The following MBD5 variants were observed in gnomAD, a reference collection of about 807,000 sequenced individuals.
MBD5 encodes methyl-CpG binding domain protein 5, also known as methyl-CpG-binding domain protein 5.
In MBD5, 13 loss-of-function variants were observed where a neutral mutation model predicts 117.3. The observed-to-expected ratio is 0.11, with a 90% CI of 0.07 to 0.18. The LOEUF is 0.18. Ranked by LOEUF, MBD5 falls within the 10% of genes least tolerant of loss-of-function variation. The probability of loss-of-function intolerance (pLI) is 1.00; values close to 1 mark genes in which losing one functional copy is unlikely to be tolerated. For synonymous variants in MBD5, 727 were observed against 766.4 expected (o/e 0.95, Z 0.85); for missense variants, 1,879 against 2,093.8 (o/e 0.90, Z 2.00).
intron 1 of MBD5, among the ~76,000 whole-genome samples, chr2:148,145,336 AG>A (rs1434432109): frequency 6.6e-6 from 1 of 152,192 alleles, no homozygotes; most frequent in Non-Finnish European, 1.5e-5. Context: ...TATCAGCTTA[AG>A]GAGATTTTGG....
At chr2:148,412,272 T>TTGTGTGTGTGTGTGTGTGTGTG (rs59209677) in intron 4 of MBD5, among the ~76,000 whole-genome samples, 10 of 144,584 alleles carry the variant, frequency 6.9e-5, no homozygotes, top group African/African-American at 2.6e-4. Context: ...AGTATACTTT[T>TTGTGTGTGTGTGTGTGTGTGTG]TGTGTGTGTG....
At chr2:148,102,027 G>A (rs965172229) in intron 1 of MBD5, among the ~76,000 whole-genome samples, 25 of 152,026 alleles carry the variant, frequency 1.6e-4, no homozygotes, top group Non-Finnish European at 3.7e-4. Context: ...TGACTCTTTC[G>A]ATTTAAAATG....
intron 3 of MBD5, among the ~76,000 whole-genome samples, chr2:148,313,385 C>T (rs1702081762): frequency 1.3e-5 from 2 of 152,330 alleles, no homozygotes. Context: ...AGTCTGGCTA[C>T]AGCGGCTTTG....
At chr2:148,231,241 C>G (rs1158858464) in intron 2 of MBD5, among the ~76,000 whole-genome samples, 4 of 152,118 alleles carry the variant, frequency 2.6e-5, no homozygotes, top group Non-Finnish European at 5.9e-5. Flanking sequence ...CTGGGATTGG[C>G]GATTCCTTTC....
intron 3 of MBD5, among the ~76,000 whole-genome samples, chr2:148,336,572 A>T (rs922350442): frequency 5.9e-5 from 9 of 152,078 alleles, no homozygotes; most frequent in South Asian, 2.1e-4. Flanking sequence ...TTTTTGGTAG[A>T]GATGGGGTTT....
intron 1 of MBD5, among the ~76,000 whole-genome samples, chr2:148,155,105 T>C (rs1445153567): frequency 6.6e-6 from 1 of 152,232 alleles, no homozygotes; most frequent in Non-Finnish European, 1.5e-5. Flanking sequence ...GTTGTGTGTC[T>C]GATATTGACA....
At chr2:148,166,170 A>AT in intron 1 of MBD5, among the ~76,000 whole-genome samples, 1 of 152,236 alleles carries the variant, frequency 6.6e-6, no homozygotes, top group East Asian at 1.9e-4. Flanking sequence ...TTCAGGTTTT[A>AT]TTTTTTGATT....
intron 4 of MBD5, among the ~76,000 whole-genome samples, chr2:148,402,903 G>A (rs138296568): frequency 5.4e-4 from 82 of 151,976 alleles, no homozygotes; most frequent in African/African-American, 1.9e-3. Context: ...ATAGAATCAG[G>A]TAGTAGAGTT....
chr2:148,021,439 A>T lies in MBD5; in HGVS notation c.-1170A>T, dbSNP rs912942215. Reference sequence around the variant, plus strand: ...AGAAAGAAACCAAAAGCCTCTTAGCAACACAGACCCTTTGCTGCTGCTGTT... The same window carrying T: ...AGAAAGAAACCAAAAGCCTCTTAGCTACACAGACCCTTTGCTGCTGCTGTT... On this transcript the variant is annotated 5_prime_UTR_variant, in exon 1 of 14. Transcript: ENST00000642680. 1 of 562,362 alleles carries T rather than the reference A, an allele frequency of 1.8e-6. No homozygotes were observed. The highest frequency in any genetic ancestry group is 3.4e-6 in the Non-Finnish European group (1 of 291,728). 34.8% of individuals were successfully genotyped at this position (562,362 alleles called of 1,614,324 possible). A position where few individuals can be genotyped will look rare whatever the true frequency, so the allele number is the denominator to read the frequency against.
chr2:148,045,505 T>C (rs1694496361), intron 1 of MBD5, among the ~76,000 whole-genome samples: 1 of 152,206 alleles, frequency 6.6e-6, no homozygotes, highest in Non-Finnish European at 1.5e-5. Flanking sequence ...CAGACATAGA[T>C]ATAGATGCTT....
At chr2:148,428,188 T>G (rs544187514) in intron 4 of MBD5, among the ~76,000 whole-genome samples, 1 of 152,214 alleles carries the variant, frequency 6.6e-6, no homozygotes, top group East Asian at 1.9e-4. Flanking sequence ...ACAAGCATTC[T>G]TATACACTAA....
At chr2:148,196,793 G>C (rs1364301579) in intron 2 of MBD5, among the ~76,000 whole-genome samples, 1 of 152,044 alleles carries the variant, frequency 6.6e-6, no homozygotes, top group Non-Finnish European at 1.5e-5. Context: ...TTATTTTATT[G>C]TGTCAGACAA....
intron 1 of MBD5, among the ~76,000 whole-genome samples, chr2:148,166,740 A>C (rs995587929): frequency 6.6e-6 from 1 of 152,044 alleles, no homozygotes; most frequent in African/African-American, 2.4e-5. Context: ...GTGTGTGCCT[A>C]CTGGAAATTG....
chr2:148,134,085 AT>A (rs1553475702), intron 1 of MBD5, among the ~76,000 whole-genome samples: 2 of 151,894 alleles, frequency 1.3e-5, no homozygotes, highest in African/African-American at 2.4e-5. Flanking sequence ...AGAATATGAA[AT>A]TTTTTTTCTG....
rs1697732678 is a variant in MBD5 at position 148,152,970 on chromosome 2, G to T, written c.-924-25730G>T. On this transcript the variant is annotated intron_variant, in intron 1 of 13. Coordinates refer to ENST00000642680, the MANE Select transcript of MBD5 (RefSeq NM_001378120.1). ...AGTTAATATTGTTATGTGTGAATTTGATCCTGTCATTATGATGTTAGCTGG... is the reference window on the plus strand; with the variant it reads ...AGTTAATATTGTTATGTGTGAATTTTATCCTGTCATTATGATGTTAGCTGG... Among the ~76,000 whole-genome samples the T allele has an allele frequency of 2.0e-5, 3 of 151,628 alleles. 1 individual carries two copies. Among genetic ancestry groups the T allele is most frequent in the South Asian group, 4.2e-4 (2 of 4,758 alleles).
In MBD5 at chr2:148,469,221, T is replaced by A; in HGVS notation, c.1278T>A (p.Val426=). The A allele has an allele frequency of 6.2e-7, 1 of 1,614,026 alleles. No homozygotes were observed. The highest frequency in any genetic ancestry group is 8.5e-7 in the Non-Finnish European group (1 of 1,179,964). ...ATCATGGGAGTCATGTACAAAGAGT[T>A]CAGCATTCAGCTTCAACCTCCCTGT... The part of the protein sequence containing the change: ...HMNHGSHVQR[V]QHSASTSLSP... Residue 426 remains valine (V), a synonymous_variant, in exon 8 of 14, where the codon GTT becomes GTA. Transcript: ENST00000642680.
At chr2:148,424,769 T>C (rs999891639) in intron 4 of MBD5, among the ~76,000 whole-genome samples, 1 of 152,154 alleles carries the variant, frequency 6.6e-6, no homozygotes, top group African/African-American at 2.4e-5. Flanking sequence ...CTGAACAACC[T>C]GCTCCTGAAT....
chr2:148,344,543 A>AG (rs548865113), intron 4 of MBD5, among the ~76,000 whole-genome samples: 88 of 151,996 alleles, frequency 5.8e-4, no homozygotes, highest in Non-Finnish European at 9.1e-4. Flanking sequence ...CTCCTTAGTT[A>AG]GATGTATTCC....
At chr2:148,082,707 T>A (rs1340426272) in intron 1 of MBD5, among the ~76,000 whole-genome samples, 1 of 152,162 alleles carries the variant, frequency 6.6e-6, no homozygotes, top group Non-Finnish European at 1.5e-5. Context: ...CCTCCGTGAC[T>A]TAATCTGCAT....
Sources: allele counts gnomAD v4.1 joint callset (sites outside exome capture counted in the v4.1 genomes callset), GRCh38; gene constraint gnomAD v4.1.1; transcripts MANE v1.5; gene names NCBI Gene and HGNC (gene_info 2026-07-23, HGNC 2026-07-21).